Variants in NRXN3 observed in about 807,000 individuals in gnomAD.
The protein encoded by NRXN3 is neurexin III.
A neutral mutation model predicts 137.6 loss-of-function variants in NRXN3; 32 were observed. The observed-to-expected ratio is 0.23, with a 90% CI of 0.18 to 0.31. The LOEUF is 0.31. Among genes scored for constraint, NRXN3 ranks in the 10% least tolerant of loss-of-function variants. The pLI is 1.00. For synonymous variants in NRXN3, 798 were observed against 784.5 expected (o/e 1.02, Z -0.29); for missense variants, 1,574 against 2,062.5 (o/e 0.76, Z 4.59).
intron 19 of NRXN3, among the ~76,000 whole-genome samples, chr14:79,804,879 G>A (rs562936095): frequency 6.6e-6 from 1 of 152,158 alleles, no homozygotes; most frequent in African/African-American, 2.4e-5. Flanking sequence ...ACCATCTTGG[G>A]TCACTCAGCT....
At chr14:78,993,797 G>A (rs372387779) in intron 15 of NRXN3, among the ~76,000 whole-genome samples, 2 of 138,554 alleles carry the variant, frequency 1.4e-5, no homozygotes, top group African/African-American at 5.2e-5. Flanking sequence ...AAGAGCAGCT[G>A]CTTTTAGGAT....
intron 4 of NRXN3, 122 bp from the exon 5 acceptor site, chr14:78,644,998 G>A (rs1192119786): frequency 2.3e-5 from 18 of 780,714 alleles, no homozygotes; most frequent in Middle Eastern, 3.8e-4. Flanking sequence ...TGAAGGGAGT[G>A]CTGTGTTGGT....
At chr14:79,524,714 G>A (rs930844318) in intron 16 of NRXN3, among the ~76,000 whole-genome samples, 1 of 152,146 alleles carries the variant, frequency 6.6e-6, no homozygotes, top group Non-Finnish European at 1.5e-5. Context: ...CTTGCAAAAT[G>A]CAAATTGATC....
chr14:78,854,230 A>T (rs924528184), intron 10 of NRXN3, among the ~76,000 whole-genome samples: 1 of 152,144 alleles, frequency 6.6e-6, no homozygotes, highest in African/African-American at 2.4e-5. Context: ...TCCTGTCCCA[A>T]GTTTCTGTAA....
chr14:79,178,467 A>G (rs1167850208), intron 15 of NRXN3, among the ~76,000 whole-genome samples: 1 of 152,194 alleles, frequency 6.6e-6, no homozygotes, highest in Non-Finnish European at 1.5e-5. Context: ...GGTATCGTAG[A>G]ACAGAAATTG....
At chr14:79,651,038 G>T (rs902423081) in intron 16 of NRXN3, among the ~76,000 whole-genome samples, 5 of 152,208 alleles carry the variant, frequency 3.3e-5, no homozygotes, top group African/African-American at 9.6e-5. Context: ...GATTAAAGTT[G>T]TATTTAATGG....
At chr14:79,347,065 T>C (rs956034101) in intron 15 of NRXN3, among the ~76,000 whole-genome samples, 4 of 152,150 alleles carry the variant, frequency 2.6e-5, no homozygotes, top group African/African-American at 4.8e-5. Context: ...ACTCTTGAGG[T>C]TAAATAATAT....
At chr14:79,305,149 C>T (rs958960199) in intron 15 of NRXN3, among the ~76,000 whole-genome samples, 1 of 151,824 alleles carries the variant, frequency 6.6e-6, no homozygotes, top group Admixed American at 6.6e-5. Flanking sequence ...TTTAAACTAC[C>T]CATTTATGTA....
chr14:78,456,799 C>CTCCTTTCTT (rs2094720005), intron 4 of NRXN3, among the ~76,000 whole-genome samples: 1 of 97,620 alleles, frequency 1.0e-5, no homozygotes, highest in East Asian at 3.0e-4. Context: ...CTCTCTTTCT[C>CTCCTTTCTT]TCTTTCTTTC....
At chr14:79,463,026 A>T (rs1418467952) in intron 15 of NRXN3, among the ~76,000 whole-genome samples, 1 of 151,992 alleles carries the variant, frequency 6.6e-6, no homozygotes, top group East Asian at 1.9e-4. Flanking sequence ...ATAAGACTGG[A>T]AATAGAACCC....
intron 15 of NRXN3, chr14:79,280,687 T>C (rs2081139996): frequency 1.2e-6 from 1 of 813,472 alleles, no homozygotes; most frequent in Non-Finnish European, 1.9e-6. Context: ...GGGAAGCAAA[T>C]TTCTACTTTC....
Position 78,319,624 on chromosome 14 carries a change from G to T in NRXN3, c.757+21764G>T, listed in dbSNP as rs146370375. 2.0e-5 allele frequency among the ~76,000 whole-genome samples: 3 copies of T among 152,280 alleles called. No homozygotes were observed. In the East Asian group the frequency reaches 5.8e-4, roughly 29 times the overall value. On this transcript the variant is annotated intron_variant, in intron 4 of 20. Transcript: ENST00000335750. Reference sequence around the variant, plus strand: ...GCCTTACACACTGGTGGTTGCTATGGGCTTGGGTGACTCCCAACAGCGATG... The same window carrying T: ...GCCTTACACACTGGTGGTTGCTATGTGCTTGGGTGACTCCCAACAGCGATG...
chr14:79,705,982 A>G (rs2098776952), intron 19 of NRXN3, among the ~76,000 whole-genome samples: 1 of 148,084 alleles, frequency 6.8e-6, no homozygotes, highest in Non-Finnish European at 1.5e-5. Flanking sequence ...TGAAAGGTAT[A>G]AATAGTCAAC....
chr14:78,619,090 C>T (rs1566904633), intron 4 of NRXN3, among the ~76,000 whole-genome samples: 1 of 152,148 alleles, frequency 6.6e-6, no homozygotes, highest in South Asian at 2.1e-4. Flanking sequence ...GGAGGAGCAT[C>T]GTCTAGAAGT....
At chr14:79,634,716 T>C (rs913028346) in intron 16 of NRXN3, among the ~76,000 whole-genome samples, 1 of 152,194 alleles carries the variant, frequency 6.6e-6, no homozygotes, top group Admixed American at 6.5e-5. Context: ...TGCTCTTTCC[T>C]CTTTCCTTTA....
At chr14:79,615,423 GA>G (rs916940999) in intron 16 of NRXN3, among the ~76,000 whole-genome samples, 4 of 152,134 alleles carry the variant, frequency 2.6e-5, no homozygotes, top group Admixed American at 2.6e-4. Flanking sequence ...AGTCATTTTA[GA>G]AAAAATGATA....
At chr14:78,794,918 A>G (rs558512051) in intron 8 of NRXN3, among the ~76,000 whole-genome samples, 86 of 37,922 alleles carry the variant, frequency 2.3e-3, no homozygotes, top group African/African-American at 3.9e-3. Flanking sequence ...TTACAAAAAC[A>G]AACAAACAAA....
intron 16 of NRXN3, among the ~76,000 whole-genome samples, chr14:79,586,250 G>C (rs2097764617): frequency 6.6e-6 from 1 of 152,182 alleles, no homozygotes; most frequent in Non-Finnish European, 1.5e-5. Flanking sequence ...AAAGAATTAA[G>C]TAAAGCTCAC....
At chr14:79,541,908 A>G (rs1454019387) in intron 16 of NRXN3, among the ~76,000 whole-genome samples, 5 of 152,230 alleles carry the variant, frequency 3.3e-5, no homozygotes, top group Non-Finnish European at 5.9e-5. Context: ...GGAAGCGTCC[A>G]AGAAAGCCTA....
Sources: allele counts gnomAD v4.1 joint callset (sites outside exome capture counted in the v4.1 genomes callset), GRCh38; gene constraint gnomAD v4.1.1; transcripts MANE v1.5; gene names NCBI Gene and HGNC (gene_info 2026-07-23, HGNC 2026-07-21).